The following GABPB1 variants were observed in gnomAD, a reference collection of about 807,000 sequenced individuals.
The protein encoded by GABPB1 is GA-binding protein subunit beta-1.
Under a neutral mutation model 45.9 loss-of-function variants are expected in GABPB1, and 15 were observed. The observed-to-expected ratio is 0.33, with a 90% CI of 0.22 to 0.50. The LOEUF (loss-of-function observed/expected upper bound fraction) is 0.50, where lower values mean the gene tolerates loss of function less well. Among genes scored for constraint, GABPB1 ranks in the 20% least tolerant of loss-of-function variants. The probability of loss-of-function intolerance (pLI) is 0.98; values close to 1 mark genes in which losing one functional copy is unlikely to be tolerated. For missense variants in GABPB1, 252 were observed against 457.5 expected, an observed-to-expected ratio of 0.55 and a Z score of 4.10; for synonymous variants, 143 against 154.4, an observed-to-expected ratio of 0.93 and a Z score of 0.55.
In GABPB1 at chr15:50,278,548, C is replaced by T; in HGVS notation, c.*84G>A. 9.2e-7 allele frequency: 1 copy of T among 1,090,338 alleles called. No individual in the cohort carries two copies. Among genetic ancestry groups the T allele is most frequent in the South Asian group, 1.8e-5 (1 of 54,426 alleles). The allele number at this position is 1,090,338 out of a possible 1,614,324, so 67.5% of individuals were successfully genotyped here. ...TAGTCTCTTCTATCATTCTGTATTC[C>T]CATGGCTGTACCTTTGTTGTGTACA... On this transcript the variant is annotated 3_prime_UTR_variant, in exon 9 of 9. Coordinates refer to ENST00000380877, the MANE Select transcript of GABPB1 (RefSeq NM_016654.5).
At position 50,289,661 on chromosome 15, in the gene GABPB1, G is replaced by T. The variant is rs759893078; in HGVS notation, c.705C>A (p.Ala235=). The T allele has an allele frequency of 8.3e-5, 133 of 1,597,988 alleles. No individual in the cohort carries two copies. The highest frequency in any genetic ancestry group is 1.0e-4 in the Non-Finnish European group (123 of 1,174,672). The change falls in exon 7 of 9, where the codon GCC becomes GCA. Residue 235 remains alanine (A), a synonymous_variant. Transcript: ENST00000380877. ...LSNSSETPVV[A]TEEVVTAESV... ...ATTCTGCAGTAACTACTTCTTCTGT[G>T]GCCACTACTGGAAAAAAAAAAAAGA...
At chr15:50,323,169 G>A (rs1172230526) in intron 1 of GABPB1, among the ~76,000 whole-genome samples, 2 of 152,112 alleles carry the variant, frequency 1.3e-5, no homozygotes, top group Admixed American at 6.5e-5. Flanking sequence ...CTAGGAGTTT[G>A]AGACTGTACT....
At chr15:50,332,810 C>G (rs28654949) in intron 1 of GABPB1, among the ~76,000 whole-genome samples, 214 of 152,050 alleles carry the variant, frequency 1.4e-3, no homozygotes, top group African/African-American at 4.9e-3. Context: ...TAGACTCTAC[C>G]TATCCTACTT....
At chr15:50,307,568 G>C (rs1361496942) in intron 2 of GABPB1, among the ~76,000 whole-genome samples, 2 of 152,122 alleles carry the variant, frequency 1.3e-5, no homozygotes, top group African/African-American at 2.4e-5. Context: ...TGGGCTTGGT[G>C]GTGGGTGCCT....
intron 1 of GABPB1, among the ~76,000 whole-genome samples, chr15:50,334,740 G>A (rs779627712): frequency 2.0e-5 from 3 of 151,688 alleles, no homozygotes; most frequent in Non-Finnish European, 4.4e-5. Flanking sequence ...AAACTCCTGA[G>A]TCAGTTTTTA....
At chr15:50,314,949 G>A (rs1229976384) in intron 1 of GABPB1, among the ~76,000 whole-genome samples, 1 of 152,202 alleles carries the variant, frequency 6.6e-6, no homozygotes, top group Non-Finnish European at 1.5e-5. Context: ...CACATTCACA[G>A]TGATTTTATG....
chr15:50,352,927 A>G (rs1441290479), intron 1 of GABPB1: 1 of 152,364 alleles, frequency 6.6e-6, no homozygotes, highest in East Asian at 1.9e-4. Context: ...TAGAAAACCC[A>G]GAATGATTCA....
rs2045831073 is a variant in GABPB1, at chr15:50,275,706, A to C, written c.*2926T>G. ...AGAACTCTTCTGCCATTCATATCACAAAAGATTGATGTTAAGAAAATAATT... is the reference window on the plus strand; with the variant it reads ...AGAACTCTTCTGCCATTCATATCACCAAAGATTGATGTTAAGAAAATAATT... On this transcript the variant is annotated 3_prime_UTR_variant, in exon 9 of 9. Transcript: ENST00000380877. 6.6e-6 allele frequency: 1 copy of C among 152,242 alleles called. No homozygotes were observed. The highest frequency in any genetic ancestry group is 2.4e-5 in the African/African-American group (1 of 41,468). 9.4% of individuals were successfully genotyped at this position (152,242 alleles called of 1,614,324 possible).
chr15:50,278,220 G>GT lies in GABPB1; in HGVS notation c.*411dup, dbSNP rs1040636231. On this transcript the variant is annotated 3_prime_UTR_variant, in exon 9 of 9. Coordinates refer to ENST00000380877, the MANE Select transcript of GABPB1 (RefSeq NM_016654.5). Reference sequence around the variant, plus strand: ...CATACAGAGGTTTATACCTACAGGAGTAATTCCAGCATCAGTCCACCATAA... The same window carrying GT: ...CATACAGAGGTTTATACCTACAGGAGTTAATTCCAGCATCAGTCCACCATAA... 2 of 153,434 alleles carry GT rather than the reference G, an allele frequency of 1.3e-5. No individual in the cohort carries two copies. 9.5% of individuals were successfully genotyped at this position (153,434 alleles called of 1,614,324 possible). A position where few individuals can be genotyped will look rare whatever the true frequency, so the allele number is the denominator to read the frequency against.
Position 50,314,579 on chromosome 15 carries a change from G to C in GABPB1, c.1-4781C>G, listed in dbSNP as rs2047249567. 2.0e-5 allele frequency: 3 copies of C among 152,204 alleles called. No homozygotes were observed. In the South Asian group the frequency reaches 6.2e-4, roughly 31 times the overall value. The allele number at this position is 152,204 out of a possible 1,614,324, so 9.4% of individuals were successfully genotyped here. A position where few individuals can be genotyped will look rare whatever the true frequency, so the allele number is the denominator to read the frequency against. On this transcript the variant is annotated intron_variant, in intron 1 of 8. Transcript: ENST00000380877. ...TCAGGGCCCTTTGTATGTTTATAGA[G>C]GCATTTTGGAGACTGAAGGTGAGGA...
chr15:50,298,812 T>C (rs984555049), intron 6 of GABPB1, among the ~76,000 whole-genome samples: 2 of 150,948 alleles, frequency 1.3e-5, no homozygotes, highest in Non-Finnish European at 3.0e-5. Context: ...AATAGCTGGG[T>C]GTGGTGGTGC....
chr15:50,336,870 G>C (rs2048148188), intron 1 of GABPB1, among the ~76,000 whole-genome samples: 1 of 149,094 alleles, frequency 6.7e-6, no homozygotes, highest in East Asian at 2.0e-4. Context: ...GAGGCAGGGG[G>C]ATCTCTTAAG....
chr15:50,296,572 ATCAG>A (rs1396481060), intron 6 of GABPB1, among the ~76,000 whole-genome samples: 1 of 152,212 alleles, frequency 6.6e-6, no homozygotes, highest in African/African-American at 2.4e-5. Context: ...TACCTTGGGA[ATCAG>A]TCAGACTGAC....
chr15:50,278,606 A>G lies in GABPB1; in HGVS notation c.*26T>C, dbSNP rs758576855. The G allele has an allele frequency of 5.0e-6, 8 of 1,601,842 alleles. No individual in the cohort carries two copies. The Admixed American group carries it at 1.4e-4, about 28-fold the overall frequency. On this transcript the variant is annotated 3_prime_UTR_variant, in exon 9 of 9. Coordinates refer to ENST00000380877, the MANE Select transcript of GABPB1 (RefSeq NM_016654.5). The stretch of plus-strand genomic sequence containing the variant: ...ATTGTATTCTTTCTTGACCAAAAGT[A>G]AAATCAAACTACATGTTCATTTCAA...
At chr15:50,301,812 G>C (rs2046761044) in intron 4 of GABPB1, among the ~76,000 whole-genome samples, 1 of 152,068 alleles carries the variant, frequency 6.6e-6, no homozygotes, top group South Asian at 2.1e-4. Context: ...CTGCCCTGTA[G>C]CTATAGGAAT....
intron 1 of GABPB1, among the ~76,000 whole-genome samples, chr15:50,320,219 G>C (rs1329389111): frequency 6.6e-6 from 1 of 152,188 alleles, no homozygotes; most frequent in African/African-American, 2.4e-5. Context: ...CCAGGCTAGA[G>C]TGCAATAGCA....
intron 1 of GABPB1, among the ~76,000 whole-genome samples, chr15:50,331,938 G>C (rs2141127319): frequency 6.6e-6 from 1 of 150,682 alleles, no homozygotes; most frequent in East Asian, 2.0e-4. Context: ...GCAGTTGCAT[G>C]ATCTCTGCTC....
chr15:50,309,247 C>T lies in GABPB1; in HGVS notation c.108+444G>A, dbSNP rs907250910. ...AGTTGTCAAGATCTCATTCCCATTC[C>T]TTTCTTCCTCTTTCGTCATGTCTGC... On this transcript the variant is annotated intron_variant, in intron 2 of 8. Coordinates refer to ENST00000380877, the MANE Select transcript of GABPB1 (RefSeq NM_016654.5). 2.6e-5 allele frequency among the ~76,000 whole-genome samples: 4 copies of T among 152,222 alleles called. No homozygotes were observed. In the South Asian group the frequency reaches 8.3e-4, roughly 32 times the overall value.
intron 6 of GABPB1, among the ~76,000 whole-genome samples, chr15:50,296,880 A>G (rs1274994249): frequency 6.6e-6 from 1 of 151,434 alleles, no homozygotes; most frequent in Non-Finnish European, 1.5e-5. Context: ...CTCTGGTGGT[A>G]ACATACTTAA....
Sources: allele counts gnomAD v4.1 joint callset (sites outside exome capture counted in the v4.1 genomes callset), GRCh38; gene constraint gnomAD v4.1.1; transcripts MANE v1.5; gene names NCBI Gene and HGNC (gene_info 2026-07-23, HGNC 2026-07-21).